Variants in EPB41L2 observed in about 807,000 individuals in gnomAD.
EPB41L2 encodes the protein erythrocyte membrane protein band 4.1 like 2.
A neutral mutation model predicts 113.0 loss-of-function variants in EPB41L2; 43 were observed. That is an observed-to-expected ratio of 0.38 (90% CI 0.30 to 0.49). EPB41L2 has a LOEUF of 0.49. EPB41L2 is among the 20% of genes least tolerant of loss of function. EPB41L2 has a pLI of 0.95. For missense variants in EPB41L2, 1,147 were observed against 1,223.4 expected, an observed-to-expected ratio of 0.94 and a Z score of 0.93; for synonymous variants, 442 against 436.7, an observed-to-expected ratio of 1.01 and a Z score of -0.15.
intron 1 of EPB41L2, among the ~76,000 whole-genome samples, chr6:131,019,225 T>C (rs1311446667): frequency 6.6e-6 from 1 of 152,210 alleles, no homozygotes; most frequent in Admixed American, 6.5e-5. Flanking sequence ...TTTTACATAT[T>C]TTGTTAGATT....
chr6:130,936,924 C>T (rs1257002796), intron 3 of EPB41L2, among the ~76,000 whole-genome samples: 1 of 152,186 alleles, frequency 6.6e-6, no homozygotes, highest in South Asian at 2.1e-4. Flanking sequence ...GGCATCAGAC[C>T]CGCTGAATTA....
chr6:130,863,360 G>A (rs961496334), intron 18 of EPB41L2, among the ~76,000 whole-genome samples: 3 of 152,236 alleles, frequency 2.0e-5, no homozygotes, highest in Admixed American at 2.0e-4. Flanking sequence ...TTTAAACCAG[G>A]CCCACACGAA....
chr6:131,029,667 G>A (rs931586102), intron 1 of EPB41L2, among the ~76,000 whole-genome samples: 2 of 152,162 alleles, frequency 1.3e-5, no homozygotes, highest in Non-Finnish European at 2.9e-5. Flanking sequence ...ACATGTCAAA[G>A]GCTGACTCAG....
intron 7 of EPB41L2, 50 bp downstream of exon 7, chr6:130,900,912 G>A (rs749120867): frequency 6.3e-7 from 1 of 1,578,494 alleles, no homozygotes; most frequent in East Asian, 2.2e-5. Flanking sequence ...TACAAGAGAA[G>A]CTATTTAAAT....
At chr6:131,017,004 G>A (rs1788392313) in intron 1 of EPB41L2, among the ~76,000 whole-genome samples, 1 of 152,058 alleles carries the variant, frequency 6.6e-6, no homozygotes, top group African/African-American at 2.4e-5. Context: ...TAAATCTGCT[G>A]CATAAATGAA....
At chr6:130,975,526 C>T (rs1777992291) in intron 1 of EPB41L2, among the ~76,000 whole-genome samples, 1 of 152,118 alleles carries the variant, frequency 6.6e-6, no homozygotes. Flanking sequence ...CCTTAAGAGA[C>T]ACAAACTCTA....
rs775807331 is a variant in EPB41L2, at chr6:130,865,589, G to T, written c.2776C>A (p.Gln926Lys). The change falls in exon 17 of 20, where the codon CAA (glutamine) becomes AAA (lysine). Residue 926 changes from glutamine (Q) to lysine (K), a missense_variant. Gln to Lys is a moderately conservative substitution (Grantham distance 53). Coordinates refer to ENST00000337057, the MANE Select transcript of EPB41L2 (RefSeq NM_001431.4). ...GACACGGACTCAGATGTGATGGTTT[G>T]TGCGGTCAGTAACGTGCCCGAATCA... Reference protein sequence around the residue: ...GGDSGTLLTAQTITSESVSTT... With the variant: ...GGDSGTLLTAKTITSESVSTT... The T allele has an allele frequency of 2.5e-6, 4 of 1,614,172 alleles. No homozygotes were observed. Among genetic ancestry groups the T allele is most frequent in the Non-Finnish European group, 3.4e-6 (4 of 1,180,022 alleles).
intron 14 of EPB41L2, among the ~76,000 whole-genome samples, chr6:130,874,167 T>C (rs1218583622): frequency 6.6e-6 from 1 of 152,168 alleles, no homozygotes; most frequent in East Asian, 1.9e-4. Flanking sequence ...TACAATAGAG[T>C]TATTTACCCA....
At chr6:130,963,500 CAT>C (rs1774164271) in intron 1 of EPB41L2, among the ~76,000 whole-genome samples, 1 of 152,170 alleles carries the variant, frequency 6.6e-6, no homozygotes, top group Non-Finnish European at 1.5e-5. Context: ...ACTTTATCAA[CAT>C]ATGAGTCCCT....
At chr6:130,999,541 T>C (rs1783891214) in intron 1 of EPB41L2, among the ~76,000 whole-genome samples, 1 of 152,190 alleles carries the variant, frequency 6.6e-6, no homozygotes, top group African/African-American at 2.4e-5. Context: ...ATGTCGTCTT[T>C]TAAGATTCCT....
intron 1 of EPB41L2, among the ~76,000 whole-genome samples, chr6:131,056,675 T>C (rs974459458): frequency 2.0e-5 from 3 of 152,224 alleles, no homozygotes; most frequent in Admixed American, 1.3e-4. Context: ...AGGCACTCTA[T>C]GAAGCATTTT....
At chr6:130,979,803 T>C (rs918264347) in intron 1 of EPB41L2, among the ~76,000 whole-genome samples, 1 of 152,138 alleles carries the variant, frequency 6.6e-6, no homozygotes, top group Non-Finnish European at 1.5e-5. Context: ...ATGTGTGACA[T>C]CCAGGTGGAA....
intron 4 of EPB41L2, among the ~76,000 whole-genome samples, chr6:130,922,899 G>C (rs1803351266): frequency 6.6e-6 from 1 of 152,164 alleles, no homozygotes; most frequent in African/African-American, 2.4e-5. Context: ...TATACCTAGA[G>C]TGGAGTATTT....
intron 19 of EPB41L2, among the ~76,000 whole-genome samples, chr6:130,846,984 AG>A (rs1302072110): frequency 6.6e-6 from 1 of 152,204 alleles, no homozygotes; most frequent in Non-Finnish European, 1.5e-5. Flanking sequence ...ATTTCTTTAC[AG>A]GGTACTTCAT....
At chr6:130,912,311 C>A (rs991684153) in intron 4 of EPB41L2, among the ~76,000 whole-genome samples, 1 of 152,148 alleles carries the variant, frequency 6.6e-6, no homozygotes, top group Non-Finnish European at 1.5e-5. Context: ...CTTATTAGTA[C>A]ACAGAAAATA....
intron 1 of EPB41L2, among the ~76,000 whole-genome samples, chr6:131,017,288 C>G (rs1788458635): frequency 6.6e-6 from 1 of 152,100 alleles, no homozygotes; most frequent in African/African-American, 2.4e-5. Context: ...GCAAGTAAAA[C>G]CTTGTTGGGA....
intron 1 of EPB41L2, among the ~76,000 whole-genome samples, chr6:131,010,460 T>A (rs1786672411): frequency 1.3e-5 from 2 of 151,714 alleles, no homozygotes; most frequent in South Asian, 4.2e-4. Context: ...TCACCCAGGC[T>A]GGAGTACAGT....
In EPB41L2 at chr6:131,010,611, C is replaced by G. The variant is rs561664773; in HGVS notation, c.-15+52544G>C. Among the ~76,000 whole-genome samples, 323 of 152,070 alleles carry G rather than the reference C, an allele frequency of 2.1e-3. 1 individual carries two copies. The highest frequency in any genetic ancestry group is 3.7e-3 in the Non-Finnish European group (251 of 67,966). On this transcript the variant is annotated intron_variant, in intron 1 of 19. Coordinates refer to ENST00000337057, the MANE Select transcript of EPB41L2 (RefSeq NM_001431.4). ...TATTTTTAGTAGAGACGGGGTTTCA[C>G]CATGTTGGCCAGGCTGGTCTCGAAC...
chr6:130,996,831 T>C (rs2128705197), intron 1 of EPB41L2, among the ~76,000 whole-genome samples: 1 of 152,362 alleles, frequency 6.6e-6, no homozygotes, highest in Non-Finnish European at 1.5e-5. Context: ...TTTTGCTTTA[T>C]TTGCATTTTT....
Sources: allele counts gnomAD v4.1 joint callset (sites outside exome capture counted in the v4.1 genomes callset), GRCh38; gene constraint gnomAD v4.1.1; transcripts MANE v1.5; gene names NCBI Gene and HGNC (gene_info 2026-07-23, HGNC 2026-07-21).